Variants in FHIT observed in about 807,000 individuals in gnomAD.
The protein encoded by FHIT is fragile histidine triad diadenosine triphosphatase.
FHIT carries 19 observed loss-of-function variants against 17.9 expected under a neutral mutation model. That is an observed-to-expected ratio of 1.06 (90% confidence interval 0.74 to 1.56). The LOEUF is 1.56. Ranked by LOEUF, FHIT falls within the 40% of genes most tolerant of loss-of-function variation. The pLI, the probability that FHIT is intolerant of heterozygous loss-of-function variation, is 0.00. For synonymous variants in FHIT, 81 were observed against 69.7 expected (o/e 1.16, Z -0.81); for missense variants, 248 against 189.2 (o/e 1.31, Z -1.82).
intron 5 of FHIT, among the ~76,000 whole-genome samples, chr3:60,412,011 G>A (rs1206701693): frequency 6.6e-6 from 1 of 151,916 alleles, no homozygotes; most frequent in Non-Finnish European, 1.5e-5. Context: ...CCTGGGGTGG[G>A]GGGAAACATT....
rs535800839 is a variant in FHIT at position 60,507,719 on chromosome 3, A to T, written c.103+29141T>A. 1.2e-4 allele frequency among the ~76,000 whole-genome samples: 18 copies of T among 152,070 alleles called. No individual in the cohort carries two copies. In the East Asian group the frequency reaches 3.3e-3, roughly 28 times the overall value. ...CCAGTATACATTGTTTCCTCGGCCC[A>T]TATGTCCTTGTGTTCTCATCATTTA... On this transcript the variant is annotated intron_variant, in intron 5 of 9. Coordinates refer to ENST00000492590, the MANE Select transcript of FHIT (RefSeq NM_002012.4).
chr3:60,092,079 T>A (rs767916520), intron 5 of FHIT, among the ~76,000 whole-genome samples: 2 of 152,156 alleles, frequency 1.3e-5, no homozygotes, highest in Non-Finnish European at 2.9e-5. Flanking sequence ...TTTTAAGGAA[T>A]AGTACGACAA....
chr3:60,528,153 G>T (rs897279572), intron 5 of FHIT, among the ~76,000 whole-genome samples: 1 of 152,064 alleles, frequency 6.6e-6, no homozygotes, highest in African/African-American at 2.4e-5. Context: ...AACTTTTCTT[G>T]TAGAAAAGGG....
chr3:60,225,432 G>C (rs1411885119), intron 5 of FHIT, among the ~76,000 whole-genome samples: 1 of 152,190 alleles, frequency 6.6e-6, no homozygotes, highest in African/African-American at 2.4e-5. Context: ...CTGGAGAACA[G>C]GAGAAAGTTT....
chr3:60,356,753 CAAAAAAAAAAAAAAAAAAA>C (rs57588436), intron 5 of FHIT, among the ~76,000 whole-genome samples: 1 of 58,680 alleles, frequency 1.7e-5, no homozygotes, highest in Non-Finnish European at 3.0e-5. Context: ...AAGACAGAGA[CAAAAAAAAAAAAAAAAAAA>C]AAAAAAAACG....
chr3:59,968,831 A>T (rs533327366), intron 7 of FHIT, among the ~76,000 whole-genome samples: 8 of 152,288 alleles, frequency 5.3e-5, no homozygotes, highest in African/African-American at 1.4e-4. Flanking sequence ...TGCTAGAGTT[A>T]AACAAAGCTA....
intron 5 of FHIT, among the ~76,000 whole-genome samples, chr3:60,194,086 C>G (rs1261008387): frequency 6.6e-6 from 1 of 152,058 alleles, no homozygotes; most frequent in Non-Finnish European, 1.5e-5. Flanking sequence ...ATAGAAAACT[C>G]AATCCTAAAG....
chr3:60,391,663 A>G (rs1701239085), intron 5 of FHIT, among the ~76,000 whole-genome samples: 1 of 152,216 alleles, frequency 6.6e-6, no homozygotes, highest in African/African-American at 2.4e-5. Context: ...GTACAATAAC[A>G]TGCTGTGCAG....
At chr3:60,642,648 A>C (rs2039755764) in intron 4 of FHIT, among the ~76,000 whole-genome samples, 1 of 152,182 alleles carries the variant, frequency 6.6e-6, no homozygotes, top group African/African-American at 2.4e-5. Flanking sequence ...CACTCTGCGA[A>C]AGAGAAGAGT....
chr3:60,590,949 CA>C (rs2038064694), intron 4 of FHIT, among the ~76,000 whole-genome samples: 2 of 151,962 alleles, frequency 1.3e-5, no homozygotes, highest in African/African-American at 2.4e-5. Flanking sequence ...AGGATTCATC[CA>C]GGGGGGAAAA....
At chr3:60,956,116 T>G (rs887670449) in intron 3 of FHIT, among the ~76,000 whole-genome samples, 2 of 152,210 alleles carry the variant, frequency 1.3e-5, no homozygotes, top group Admixed American at 1.3e-4. Flanking sequence ...GATTACAAGA[T>G]TTTGTTCTAA....
At chr3:60,169,573 G>C (rs1187598604) in intron 5 of FHIT, among the ~76,000 whole-genome samples, 1 of 152,148 alleles carries the variant, frequency 6.6e-6, no homozygotes, top group African/African-American at 2.4e-5. Flanking sequence ...AACTATTAAG[G>C]CCCTTAGAAA....
In FHIT at chr3:60,789,197, G is replaced by A. The variant is rs542164218; in HGVS notation, c.-18+32722C>T. Among the ~76,000 whole-genome samples, 804 of 150,060 alleles carry A rather than the reference G, an allele frequency of 5.4e-3. 8 individuals carry two copies. Among genetic ancestry groups the A allele is most frequent in the African/African-American group, 0.019 (761 of 40,548 alleles). ...ATATAGAGAGAGAGAGAGAGAGAGAGAGACAGAGGAGAGAGAGAGCACAAC... is the reference window on the plus strand; with the variant it reads ...ATATAGAGAGAGAGAGAGAGAGAGAAAGACAGAGGAGAGAGAGAGCACAAC... On this transcript the variant is annotated intron_variant, in intron 4 of 9. Coordinates refer to ENST00000492590, the MANE Select transcript of FHIT (RefSeq NM_002012.4).
intron 5 of FHIT, among the ~76,000 whole-genome samples, chr3:60,069,720 G>C (rs1464570131): frequency 1.3e-5 from 2 of 152,036 alleles, no homozygotes; most frequent in African/African-American, 4.8e-5. Context: ...AGCATTCCCT[G>C]CCTATCAAAT....
At chr3:60,557,821 CAAT>C (rs916160359) in intron 4 of FHIT, among the ~76,000 whole-genome samples, 30 of 152,074 alleles carry the variant, frequency 2.0e-4, no homozygotes, top group African/African-American at 7.2e-4. Context: ...CCAAGTAAAA[CAAT>C]GATGTGTGTT....
chr3:59,897,758 G>A (rs796475565), intron 8 of FHIT, among the ~76,000 whole-genome samples: 28 of 150,246 alleles, frequency 1.9e-4, no homozygotes, highest in African/African-American at 6.7e-4. Context: ...TCCAAAATCT[G>A]AAACTTTTTT....
chr3:60,532,866 G>A (rs994334037), intron 5 of FHIT, among the ~76,000 whole-genome samples: 1 of 152,064 alleles, frequency 6.6e-6, no homozygotes, highest in Non-Finnish European at 1.5e-5. Context: ...GTTGGTGAGG[G>A]GCAGCAAAAT....
intron 2 of FHIT, among the ~76,000 whole-genome samples, chr3:61,179,008 C>CT (rs778191387): frequency 0.011 from 1,386 of 127,562 alleles, 15 homozygotes; most frequent in African/African-American, 0.017. Context: ...TTTTCTTTTT[C>CT]TTTTTTTTTT....
chr3:60,808,772 T>G (rs1036391540), intron 4 of FHIT, among the ~76,000 whole-genome samples: 6 of 152,186 alleles, frequency 3.9e-5, no homozygotes, highest in African/African-American at 1.4e-4. Context: ...AGTTGAGGAT[T>G]TGGCTACTAG....
Sources: gnomAD v4.1 joint callset for allele counts (sites outside exome capture counted in the v4.1 genomes callset) on GRCh38, gnomAD v4.1.1 for gene constraint, MANE v1.5 for transcripts, NCBI Gene and HGNC (gene_info 2026-07-23, HGNC 2026-07-21) for gene names.